Variants in CAMK4 observed in about 807,000 individuals in gnomAD.
The protein encoded by CAMK4 is calcium/calmodulin-dependent protein kinase type IV.
A neutral mutation model predicts 44.9 loss-of-function variants in CAMK4; 22 were observed. The ratio of observed to expected loss-of-function variants is 0.49; its 90% confidence interval spans 0.35 to 0.70. CAMK4 has a LOEUF of 0.70. CAMK4 is among the 30% of genes least tolerant of loss of function. CAMK4 has a pLI of 0.01. For synonymous variants in CAMK4, 218 were observed against 215.4 expected (o/e 1.01, Z -0.11); for missense variants, 498 against 586.8 (o/e 0.85, Z 1.56).
chr5:111,374,793 C>A, intron 2 of CAMK4, 57 bp from the exon 3 acceptor site: 1 of 1,074,932 alleles, frequency 9.3e-7, no homozygotes, highest in Non-Finnish European at 1.4e-6. Flanking sequence ...TTCTATTTCT[C>A]TGCTACAATG....
chr5:111,356,870 C>T (rs74336854), intron 2 of CAMK4, among the ~76,000 whole-genome samples: 1,940 of 152,032 alleles, frequency 0.013, 50 homozygotes, highest in African/African-American at 0.045. Flanking sequence ...ATATCAATCT[C>T]GTTTAGATAT....
At chr5:111,248,003 T>C (rs1353200754) in intron 1 of CAMK4, among the ~76,000 whole-genome samples, 1 of 152,212 alleles carries the variant, frequency 6.6e-6, no homozygotes. Context: ...CTCATACTTA[T>C]TTGATCAAGG....
intron 1 of CAMK4, among the ~76,000 whole-genome samples, chr5:111,258,624 C>T (rs1156768599): frequency 6.6e-6 from 1 of 152,082 alleles, no homozygotes; most frequent in Non-Finnish European, 1.5e-5. Context: ...CAGTTACCAA[C>T]CCCCTGCCCA....
intron 1 of CAMK4, among the ~76,000 whole-genome samples, chr5:111,246,303 C>G (rs1426659713): frequency 2.6e-5 from 4 of 152,148 alleles, no homozygotes; most frequent in African/African-American, 9.7e-5. Flanking sequence ...GAAGGGCTTT[C>G]TGTATTCTTA....
Position 111,224,431 on chromosome 5 carries a change from G to T in CAMK4, c.-53G>T, listed in dbSNP as rs1038880761. 3.9e-6 allele frequency: 6 copies of T among 1,529,096 alleles called. No homozygotes were observed. The highest frequency in any genetic ancestry group is 5.3e-6 in the Non-Finnish European group (6 of 1,141,210). 94.7% of individuals were successfully genotyped at this position (1,529,096 alleles called of 1,614,324 possible). A position where few individuals can be genotyped will look rare whatever the true frequency, so the allele number is the denominator to read the frequency against. On this transcript the variant is annotated 5_prime_UTR_variant, in exon 1 of 11. Coordinates refer to ENST00000282356, the MANE Select transcript of CAMK4 (RefSeq NM_001744.6). This position sits in a 1 kb window ranked among gnomAD's most constrained non-coding sequence, Gnocchi z 5.7. ...GGCGGCGGCTGGCGGCCGGCTTCTC[G>T]CTCGGGCAGCGGCGGCGGCGGCGGC...
At chr5:111,302,305 G>GGTGATTT (rs1231203652) in intron 1 of CAMK4, 1 of 152,272 alleles carries the variant, frequency 6.6e-6, no homozygotes, top group African/African-American at 2.4e-5. Flanking sequence ...GCAGAAGACG[G>GGTGATTT]GTGATTTCTG....
chr5:111,301,081 T>G (rs1747699282), intron 1 of CAMK4, among the ~76,000 whole-genome samples: 1 of 152,104 alleles, frequency 6.6e-6, no homozygotes, highest in Non-Finnish European at 1.5e-5. Context: ...CTTACTGGTT[T>G]TTTTTTTTCA....
chr5:111,227,726 G>C (rs566168782), intron 1 of CAMK4, among the ~76,000 whole-genome samples: 1 of 152,234 alleles, frequency 6.6e-6, no homozygotes, highest in Non-Finnish European at 1.5e-5. Flanking sequence ...TTTTGGCAGG[G>C]AGGGCATAGA....
At chr5:111,284,637 A>G (rs1292472848) in intron 1 of CAMK4, among the ~76,000 whole-genome samples, 1 of 152,224 alleles carries the variant, frequency 6.6e-6, no homozygotes, top group African/African-American at 2.4e-5. Context: ...CCTGGAGCAC[A>G]GCAGAACTGT....
At position 111,413,788 on chromosome 5, in the gene CAMK4, A is replaced by G. The variant is rs139007696; in HGVS notation, c.459+19006A>G. 3.8e-3 allele frequency among the ~76,000 whole-genome samples: 573 copies of G among 152,234 alleles called. 5 individuals carry two copies. The highest frequency in any genetic ancestry group is 0.013 in the African/African-American group (547 of 41,554). On this transcript the variant is annotated intron_variant, in intron 5 of 10. Transcript: ENST00000282356. ...AATATAGGTTCAAATATTTTGTAAA[A>G]TCACTACCAATACGCTTAAAAACTA... is the stretch of plus-strand genomic sequence containing the variant.
intron 5 of CAMK4, chr5:111,416,563 T>C (rs1391223832): frequency 2.0e-5 from 3 of 152,182 alleles, no homozygotes; most frequent in Non-Finnish European, 4.4e-5. Flanking sequence ...ACCATCAGAC[T>C]CCCTGGATTC....
intron 7 of CAMK4, among the ~76,000 whole-genome samples, chr5:111,459,085 G>T (rs779715566): frequency 3.9e-5 from 6 of 152,098 alleles, no homozygotes; most frequent in Non-Finnish European, 8.8e-5. Context: ...TATCAATGTG[G>T]GTGTTACCAG....
At chr5:111,457,648 A>G (rs1335929090) in intron 7 of CAMK4, among the ~76,000 whole-genome samples, 3 of 152,248 alleles carry the variant, frequency 2.0e-5, no homozygotes, top group East Asian at 1.9e-4. Flanking sequence ...GGGTTAGCCA[A>G]TAAGCTACAT....
At chr5:111,415,055 A>G (rs1436844825) in intron 5 of CAMK4, among the ~76,000 whole-genome samples, 1 of 152,236 alleles carries the variant, frequency 6.6e-6, no homozygotes, top group Non-Finnish European at 1.5e-5. Flanking sequence ...TGCCAGATAT[A>G]AAAATGTTGT....
At chr5:111,414,563 C>T (rs1322887974) in intron 5 of CAMK4, among the ~76,000 whole-genome samples, 1 of 151,900 alleles carries the variant, frequency 6.6e-6, no homozygotes, top group Non-Finnish European at 1.5e-5. Context: ...GGCAATAAGA[C>T]ATGACATAGA....
At chr5:111,317,845 T>C (rs1015417384) in intron 1 of CAMK4, among the ~76,000 whole-genome samples, 1 of 138,880 alleles carries the variant, frequency 7.2e-6, no homozygotes, top group African/African-American at 2.7e-5. Context: ...AATGCAAATA[T>C]TACATTTTGT....
Position 111,444,509 on chromosome 5 carries a change from C to G in CAMK4, c.460-2177C>G, listed in dbSNP as rs572315070. 7.2e-5 allele frequency among the ~76,000 whole-genome samples: 11 copies of G among 152,246 alleles called. No homozygotes were observed. The South Asian group carries it at 1.2e-3, about 17-fold the overall frequency. On this transcript the variant is annotated intron_variant, in intron 5 of 10. Transcript: ENST00000282356. The stretch of plus-strand genomic sequence containing the variant: ...CATGGAGACTCATGTCTAATTCCTT[C>G]CTGCAGAATCCACACTGGGCCCATG...
At chr5:111,368,863 C>A (rs1255409139) in intron 2 of CAMK4, among the ~76,000 whole-genome samples, 1 of 151,882 alleles carries the variant, frequency 6.6e-6, no homozygotes, top group Non-Finnish European at 1.5e-5. Context: ...CATTATTTAT[C>A]CTGGGCCCCA....
At chr5:111,261,149 A>G (rs1283694951) in intron 1 of CAMK4, among the ~76,000 whole-genome samples, 1 of 152,200 alleles carries the variant, frequency 6.6e-6, no homozygotes, top group Non-Finnish European at 1.5e-5. Flanking sequence ...TACACAGTGA[A>G]GATTTCCCTG....
Sources: gnomAD v4.1 joint callset for allele counts (sites outside exome capture counted in the v4.1 genomes callset) on GRCh38, gnomAD v4.1.1 for gene constraint, Gnocchi (gnomAD v3.1) non-coding constraint, MANE v1.5 for transcripts, NCBI Gene and HGNC (gene_info 2026-07-23, HGNC 2026-07-21) for gene names.